NAV2: variants seen among roughly 807,000 people sequenced by gnomAD.
NAV2 encodes helicase, APC down-regulated 1.
NAV2 carries 54 observed loss-of-function variants against 223.2 expected under a neutral mutation model. That is an observed-to-expected ratio of 0.24 (90% confidence interval 0.19 to 0.30). The LOEUF (loss-of-function observed/expected upper bound fraction) is 0.30, where lower values mean the gene tolerates loss of function less well. Among genes scored for constraint, NAV2 ranks in the 10% least tolerant of loss-of-function variants. NAV2 has a pLI of 1.00. For missense variants in NAV2, 2,806 were observed against 3,147.5 expected, an observed-to-expected ratio of 0.89 and a Z score of 2.60; for synonymous variants, 1,279 against 1,239.3, an observed-to-expected ratio of 1.03 and a Z score of -0.67.
chr11:20,118,383 G>A lies in NAV2; in HGVS notation c.*125G>A, dbSNP rs1007567541. 34 of 1,149,206 alleles carry A rather than the reference G, an allele frequency of 3.0e-5. No individual in the cohort carries two copies. In the East Asian group the frequency reaches 3.1e-4, roughly 10 times the overall value. The allele number at this position is 1,149,206 out of a possible 1,614,324, so 71.2% of individuals were successfully genotyped here. A position where few individuals can be genotyped will look rare whatever the true frequency, so the allele number is the denominator to read the frequency against. On this transcript the variant is annotated 3_prime_UTR_variant, in exon 38 of 38. Coordinates refer to ENST00000349880, the MANE Select transcript of NAV2 (RefSeq NM_145117.5). The stretch of plus-strand genomic sequence containing the variant: ...ACAGCCTTAGAGCTGCGGGAACACC[G>A]AGACCCCCCGTCCTTCAGCCTCGAC...
chr11:19,980,245 G>A (rs747776845), intron 10 of NAV2, among the ~76,000 whole-genome samples: 12 of 152,178 alleles, frequency 7.9e-5, no homozygotes, highest in South Asian at 2.1e-4. Flanking sequence ...AGGTGGATGC[G>A]GAGAGCCGCC....
intron 1 of NAV2, chr11:19,518,324 T>C (rs2632054): frequency 0.29 from 43,386 of 152,040 alleles, 7,248 homozygotes; most frequent in African/African-American, 0.47. Context: ...TCAATTGACT[T>C]CAATTCTGTT....
intron 1 of NAV2, among the ~76,000 whole-genome samples, chr11:19,531,260 C>T (rs1409574468): frequency 6.6e-6 from 1 of 152,114 alleles, no homozygotes; most frequent in Non-Finnish European, 1.5e-5. Flanking sequence ...GTAATAGCAC[C>T]TAATTATAAG....
chr11:19,488,088 C>G (rs2042505543), intron 1 of NAV2, among the ~76,000 whole-genome samples: 1 of 152,152 alleles, frequency 6.6e-6, no homozygotes, highest in South Asian at 2.1e-4. Context: ...AGATAAATAT[C>G]ACATGCTGTC....
chr11:20,063,066 T>C (rs976204433), intron 20 of NAV2, among the ~76,000 whole-genome samples: 1 of 152,252 alleles, frequency 6.6e-6, no homozygotes, highest in African/African-American at 2.4e-5. Context: ...GAGGATTAAA[T>C]GTTATAAAGA....
At chr11:19,546,949 T>C (rs576623122) in intron 1 of NAV2, among the ~76,000 whole-genome samples, 115 of 152,220 alleles carry the variant, frequency 7.6e-4, no homozygotes, top group Non-Finnish European at 1.3e-3. Flanking sequence ...AGTTGGAGTT[T>C]AGGTCACTAT....
chr11:20,090,912 G>T lies in NAV2; in HGVS notation c.5546G>T (p.Arg1849Leu). 1 of 1,613,954 alleles carries T rather than the reference G, an allele frequency of 6.2e-7. No individual in the cohort carries two copies. The highest frequency in any genetic ancestry group is 8.5e-7 in the Non-Finnish European group (1 of 1,179,898). The change falls in exon 27 of 38, where the codon CGA (arginine) becomes CTA (leucine). Residue 1849 changes from arginine to leucine, a missense_variant. Transcript: ENST00000349880. ...GAAGCTGAGACCGTCATGCAGCTCC[G>T]AAATGAGTTAAGAGACAAGGAGATG... The part of the protein sequence containing the change: ...DSEAETVMQL[R>L]NELRDKEMKL...
chr11:20,027,196 G>A, intron 11 of NAV2: 1 of 875,920 alleles, frequency 1.1e-6, no homozygotes, highest in Non-Finnish European at 1.4e-6. Flanking sequence ...ATACCTGTTT[G>A]GTGGGAAATG....
At chr11:19,648,583 T>C (rs1653199874) in intron 1 of NAV2, among the ~76,000 whole-genome samples, 1 of 152,138 alleles carries the variant, frequency 6.6e-6, no homozygotes, top group Non-Finnish European at 1.5e-5. Context: ...CTTATGTTTG[T>C]TGGGTGCTGG....
chr11:19,804,527 T>C (rs946899672), intron 1 of NAV2, among the ~76,000 whole-genome samples: 19 of 152,304 alleles, frequency 1.2e-4, no homozygotes, highest in African/African-American at 4.6e-4. Context: ...AATCAGCATA[T>C]TGTGATAACC....
intron 1 of NAV2, 89 bp from the exon 2 acceptor site, chr11:19,832,395 T>C: frequency 2.2e-6 from 2 of 919,532 alleles, no homozygotes; most frequent in East Asian, 2.4e-5. Context: ...AATGGGACAG[T>C]GGCCACTGTG....
At chr11:19,714,180 G>C (rs78071544) in intron 1 of NAV2, 6 of 709,144 alleles carry the variant, frequency 8.5e-6, no homozygotes. Context: ...AGAGCTCTTC[G>C]AGACCTGGGA....
intron 1 of NAV2, among the ~76,000 whole-genome samples, chr11:19,691,348 A>T (rs1327545371): frequency 6.6e-6 from 1 of 152,206 alleles, no homozygotes; most frequent in Non-Finnish European, 1.5e-5. Context: ...TAATGAATAC[A>T]AAAATTATTA....
At chr11:19,795,665 C>T (rs914512410) in intron 1 of NAV2, among the ~76,000 whole-genome samples, 1 of 152,186 alleles carries the variant, frequency 6.6e-6, no homozygotes, top group African/African-American at 2.4e-5. Flanking sequence ...AATGGGAAAG[C>T]AAAGGAACTA....
At chr11:19,438,979 C>T (rs1258590869) in intron 1 of NAV2, among the ~76,000 whole-genome samples, 2 of 152,062 alleles carry the variant, frequency 1.3e-5, no homozygotes, top group African/African-American at 4.8e-5. Flanking sequence ...GCCAGCCCCT[C>T]CCTCCTCCCT....
intron 4 of NAV2, among the ~76,000 whole-genome samples, chr11:19,869,783 C>G (rs960633006): frequency 6.6e-6 from 1 of 152,190 alleles, no homozygotes; most frequent in Non-Finnish European, 1.5e-5. Context: ...AGTGAGACTG[C>G]TTTTTGAAAG....
intron 1 of NAV2, among the ~76,000 whole-genome samples, chr11:19,628,858 T>C (rs1304928864): frequency 6.6e-6 from 1 of 152,156 alleles, no homozygotes; most frequent in African/African-American, 2.4e-5. Flanking sequence ...ATAAAATGGC[T>C]CAAGCTCTAT....
chr11:19,348,390 C>G (rs1202892957), upstream of NAV2, among the ~76,000 whole-genome samples: 1 of 151,722 alleles, frequency 6.6e-6, no homozygotes, highest in Non-Finnish European at 1.5e-5. Context: ...ATTCTGAACT[C>G]AGCCTGCTTG....
intron 1 of NAV2, among the ~76,000 whole-genome samples, chr11:19,368,496 C>A (rs956799237): frequency 2.6e-5 from 4 of 152,182 alleles, no homozygotes; most frequent in African/African-American, 9.7e-5. Context: ...AGAGCCATTT[C>A]ACTACTGTGA....
Sources: gnomAD v4.1 joint callset for allele counts (sites outside exome capture counted in the v4.1 genomes callset) on GRCh38, gnomAD v4.1.1 for gene constraint, MANE v1.5 for transcripts, NCBI Gene and HGNC (gene_info 2026-07-23, HGNC 2026-07-21) for gene names.